The following CLIC6 variants were observed in gnomAD, a reference collection of about 807,000 sequenced individuals.
CLIC6 encodes CLIC family member 6, also known as chloride intracellular channel protein 6.
In CLIC6, 39 loss-of-function variants were observed where a neutral mutation model predicts 49.2. The ratio of observed to expected loss-of-function variants is 0.79; its 90% confidence interval spans 0.61 to 1.04. The LOEUF (loss-of-function observed/expected upper bound fraction) is 1.04. CLIC6 is among the 50% of genes least tolerant of loss of function. The pLI, the probability that CLIC6 is intolerant of heterozygous loss-of-function variation, is 0.00. For synonymous variants in CLIC6, 446 were observed against 433.4 expected (o/e 1.03, Z -0.36); for missense variants, 988 against 993.1 (o/e 0.99, Z 0.07).
chr21:34,672,434 A>G (rs1265342388), intron 1 of CLIC6, among the ~76,000 whole-genome samples: 1 of 151,948 alleles, frequency 6.6e-6, no homozygotes, highest in Non-Finnish European at 1.5e-5. Flanking sequence ...GAAACTTTCT[A>G]CATTATGTAC....
chr21:34,678,973 G>A (rs1265631656), intron 1 of CLIC6, among the ~76,000 whole-genome samples: 1 of 152,134 alleles, frequency 6.6e-6, no homozygotes, highest in Non-Finnish European at 1.5e-5. Flanking sequence ...ATCTATTTCT[G>A]TGTAACAAAT....
At chr21:34,687,001 A>C (rs1477171983) in intron 1 of CLIC6, among the ~76,000 whole-genome samples, 1 of 152,188 alleles carries the variant, frequency 6.6e-6, no homozygotes, top group Non-Finnish European at 1.5e-5. Context: ...TCACTCACAA[A>C]ATCATGAGAT....
At chr21:34,714,057 C>G (rs1343244884) in intron 5 of CLIC6, among the ~76,000 whole-genome samples, 1 of 152,116 alleles carries the variant, frequency 6.6e-6, no homozygotes, top group Non-Finnish European at 1.5e-5. Flanking sequence ...TATATCTAGG[C>G]AATTACCGTT....
At position 34,717,583 on chromosome 21, in the gene CLIC6, C is replaced by A. The variant is rs146515216; in HGVS notation, c.*1101C>A. 2.3e-4 allele frequency: 35 copies of A among 152,318 alleles called. No homozygotes were observed. Among genetic ancestry groups the A allele is most frequent in the African/African-American group, 7.9e-4 (33 of 41,562 alleles). The allele number at this position is 152,318 out of a possible 1,614,324, so 9.4% of individuals were successfully genotyped here. On this transcript the variant is annotated 3_prime_UTR_variant, in exon 6 of 6. Transcript: ENST00000349499. Reference sequence around the variant, plus strand: ...TGATCTGTGGCTTTGCCTCCACCATCCCTAACCAACCTCTCATCACAGCTT... The same window carrying A: ...TGATCTGTGGCTTTGCCTCCACCATACCTAACCAACCTCTCATCACAGCTT...
At chr21:34,697,995 G>A (rs1315986424) in intron 1 of CLIC6, among the ~76,000 whole-genome samples, 1 of 152,174 alleles carries the variant, frequency 6.6e-6, no homozygotes, top group Non-Finnish European at 1.5e-5. Flanking sequence ...CTCTATAGGA[G>A]CTCACTGTGA....
In CLIC6 at chr21:34,669,472, C is replaced by A; in HGVS notation, c.84C>A (p.Pro28=). Residue 28 remains proline, a synonymous_variant, in exon 1 of 6, where the codon CCC becomes CCA. Coordinates refer to ENST00000349499, the MANE Select transcript of CLIC6 (RefSeq NM_053277.3). ...TCCCCGCGCCTCTGGCTGAGAGACC[C>A]GGAGAGCCAGGAGCCGCGGGCGGGG... The part of the protein sequence containing the change: ...PEVPAPLAER[P]GEPGAAGGEA... 2 of 1,234,812 alleles carry A rather than the reference C, an allele frequency of 1.6e-6. No homozygotes were observed. The highest frequency in any genetic ancestry group is 4.0e-5 in the South Asian group (1 of 24,944). 76.5% of individuals were successfully genotyped at this position (1,234,812 alleles called of 1,614,324 possible).
chr21:34,711,636 G>T (rs929071820), intron 5 of CLIC6, among the ~76,000 whole-genome samples: 1 of 152,132 alleles, frequency 6.6e-6, no homozygotes, highest in Admixed American at 6.6e-5. Context: ...CACCCCTGGT[G>T]ACTCTGCTTC....
intron 1 of CLIC6, among the ~76,000 whole-genome samples, chr21:34,698,784 T>G (rs1218209308): frequency 1.3e-5 from 2 of 152,286 alleles, no homozygotes; most frequent in East Asian, 3.9e-4. Context: ...TTAATAACAT[T>G]CCAGCAGAAT....
chr21:34,670,578 G>A lies in CLIC6; in HGVS notation c.1190G>A (p.Ser397Asn), dbSNP rs1469478856. Residue 397 changes from serine (S) to asparagine (N), a missense_variant, in exon 1 of 6, where the codon AGC (serine) becomes AAC (asparagine). Transcript: ENST00000349499. ...AGGEEESPDS[S>N]PHGEASRGAA... ...GGCGAAGAGGAATCCCCCGACAGCA[G>A]CCCACATGGGGAGGCCTCCAGGGGC... 1 of 1,520,594 alleles carries A rather than the reference G, an allele frequency of 6.6e-7. No individual in the cohort carries two copies. The highest frequency in any genetic ancestry group is 8.8e-7 in the Non-Finnish European group (1 of 1,134,480). 94.2% of individuals were successfully genotyped at this position (1,520,594 alleles called of 1,614,324 possible).
In CLIC6 at chr21:34,688,497, G is replaced by T. The variant is rs993479989; in HGVS notation, c.1374+17735G>T. Among the ~76,000 whole-genome samples, 4 of 152,238 alleles carry T rather than the reference G, an allele frequency of 2.6e-5. No individual in the cohort carries two copies. In the East Asian group the frequency reaches 7.7e-4, roughly 29 times the overall value. On this transcript the variant is annotated intron_variant, in intron 1 of 5. Coordinates refer to ENST00000349499, the MANE Select transcript of CLIC6 (RefSeq NM_053277.3). ...CGCCTTACAGATAGTCTGCATAGACGCCCTGTATGGCCCATCTGCTCTGCC... is the reference window on the plus strand; with the variant it reads ...CGCCTTACAGATAGTCTGCATAGACTCCCTGTATGGCCCATCTGCTCTGCC...
chr21:34,689,817 G>C (rs1989956755), intron 1 of CLIC6, among the ~76,000 whole-genome samples: 1 of 152,124 alleles, frequency 6.6e-6, no homozygotes, highest in African/African-American at 2.4e-5. Flanking sequence ...GAAGCTTTCG[G>C]ACAACTCCAT....
chr21:34,670,727 C>A lies in CLIC6; in HGVS notation c.1339C>A (p.Leu447Met). 6.2e-7 allele frequency: 1 copy of A among 1,600,088 alleles called. No homozygotes were observed. The highest frequency in any genetic ancestry group is 8.5e-7 in the Non-Finnish European group (1 of 1,177,552). The change falls in exon 1 of 6, where the codon CTG (leucine) becomes ATG (methionine). Residue 447 changes from leucine to methionine, a missense_variant. By Grantham distance (15) the Leu-to-Met change is conservative. Coordinates refer to ENST00000349499, the MANE Select transcript of CLIC6 (RefSeq NM_053277.3). ...CGGAGAGGCGTCCGAGCCCCGGGCC[C>A]TGGGGCAGGAGCACGACATCACCCT... ...EDGEASEPRA[L>M]GQEHDITLFV... is the part of the protein sequence containing the mutation.
Position 34,669,696 on chromosome 21 carries a change from GC to G in CLIC6, c.309del (p.Ser103ArgfsTer58). The G allele has an allele frequency of 7.3e-7, 1 of 1,365,584 alleles. No homozygotes were observed. Among genetic ancestry groups the G allele is most frequent in the Non-Finnish European group, 9.4e-7 (1 of 1,066,154 alleles). The allele number at this position is 1,365,584 out of a possible 1,614,324, so 84.6% of individuals were successfully genotyped here. A position where few individuals can be genotyped will look rare whatever the true frequency, so the allele number is the denominator to read the frequency against. ...GTGCCCCAAGGAGGGGAGGAGACAA[GC>G]GGCGCGCAGCAGGTGGAGGGGGCGA... ...AEVPQGGEETSGAQQVEGASP... is the reference protein window; with the variant it reads ...AEVPQGGEETXGAQQVEGASP... On this transcript the variant is annotated frameshift_variant, in exon 1 of 6. Transcript: ENST00000349499. LOFTEE classifies it high-confidence loss of function.
At chr21:34,678,499 G>C (rs1446796535) in intron 1 of CLIC6, among the ~76,000 whole-genome samples, 1 of 151,950 alleles carries the variant, frequency 6.6e-6, no homozygotes, top group Non-Finnish European at 1.5e-5. Flanking sequence ...TCTGGGGCTA[G>C]ATACAATGCC....
chr21:34,672,390 T>A (rs942875879), intron 1 of CLIC6, among the ~76,000 whole-genome samples: 1 of 152,252 alleles, frequency 6.6e-6, no homozygotes, highest in Admixed American at 6.5e-5. Flanking sequence ...AACTACTTAC[T>A]GTTCCTTGAG....
chr21:34,676,761 G>A (rs1989679279), intron 1 of CLIC6, among the ~76,000 whole-genome samples: 1 of 152,094 alleles, frequency 6.6e-6, no homozygotes, highest in African/African-American at 2.4e-5. Flanking sequence ...CAGAGTAGTG[G>A]GATCCTCTGA....
rs115395599 is a variant in CLIC6 at position 34,707,315 on chromosome 21, G to A, written c.1410G>A (p.Pro470=). 12 of 1,614,042 alleles carry A rather than the reference G, an allele frequency of 7.4e-6. No individual in the cohort carries two copies. In the Admixed American group the frequency reaches 8.3e-5, roughly 11 times the overall value. ...GYDGESIGNC[P]FSQRLFMILW... ...ATGGTGAGAGTATCGGAAATTGCCC[G>A]TTTTCTCAGCGTCTCTTTATGATTC... Residue 470 remains proline, a synonymous_variant, in exon 2 of 6, where the codon CCG becomes CCA. Transcript: ENST00000349499.
chr21:34,673,195 G>C (rs562384779), intron 1 of CLIC6, among the ~76,000 whole-genome samples: 2 of 152,196 alleles, frequency 1.3e-5, no homozygotes, highest in Non-Finnish European at 2.9e-5. Flanking sequence ...TACCCACAAT[G>C]CTTTATTCTG....
chr21:34,676,611 G>A (rs1989675364), intron 1 of CLIC6, among the ~76,000 whole-genome samples: 1 of 152,198 alleles, frequency 6.6e-6, no homozygotes, highest in Non-Finnish European at 1.5e-5. Context: ...TGGTATGAAG[G>A]GAAGGGGGAT....
Sources: allele counts gnomAD v4.1 joint callset (sites outside exome capture counted in the v4.1 genomes callset), GRCh38; gene constraint gnomAD v4.1.1; transcripts MANE v1.5; gene names NCBI Gene and HGNC (gene_info 2026-07-23, HGNC 2026-07-21).